The following ERBB4 variants were observed in gnomAD, a reference collection of about 807,000 sequenced individuals.
ERBB4 encodes receptor tyrosine-protein kinase erbB-4.
ERBB4 carries 42 observed loss-of-function variants against 158.0 expected under a neutral mutation model. That is an observed-to-expected ratio of 0.27 (90% CI 0.21 to 0.34). The LOEUF is 0.34. ERBB4 is among the 10% of genes least tolerant of loss of function. The pLI is 1.00. For missense variants in ERBB4, 1,333 were observed against 1,624.1 expected (o/e 0.82, Z 3.08); for synonymous variants, 583 against 558.7 (o/e 1.04, Z -0.61).
At chr2:211,777,897 G>A (rs538636713) in intron 4 of ERBB4, 4 of 152,250 alleles carry the variant, frequency 2.6e-5, no homozygotes, top group Non-Finnish European at 5.9e-5. Flanking sequence ...GGCCTTCAAA[G>A]CCCTTAGTAA....
At chr2:212,203,935 T>C (rs1253018451) in intron 1 of ERBB4, among the ~76,000 whole-genome samples, 1 of 152,256 alleles carries the variant, frequency 6.6e-6, no homozygotes, top group Non-Finnish European at 1.5e-5. Context: ...GTCACTTGAC[T>C]GAAAAGTTAT....
intron 3 of ERBB4, among the ~76,000 whole-genome samples, chr2:211,801,282 A>G (rs2076492788): frequency 6.6e-6 from 1 of 152,192 alleles, no homozygotes; most frequent in South Asian, 2.1e-4. Flanking sequence ...AGGTGGTTAA[A>G]TGTAGCCTTA....
intron 1 of ERBB4, among the ~76,000 whole-genome samples, chr2:212,182,877 A>AG (rs776979581): frequency 0.091 from 571 of 6,258 alleles, 5 homozygotes; most frequent in Non-Finnish European, 0.22. Context: ...AGTTGGGTTG[A>AG]GGTTTTTTTT....
At chr2:211,557,769 A>T (rs879094717) in intron 20 of ERBB4, among the ~76,000 whole-genome samples, 1 of 152,222 alleles carries the variant, frequency 6.6e-6, no homozygotes, top group Admixed American at 6.5e-5. Context: ...CTTCCTGGGT[A>T]TATACCCACA....
chr2:211,637,894 A>T (rs1233363002), intron 16 of ERBB4, among the ~76,000 whole-genome samples: 1 of 151,924 alleles, frequency 6.6e-6, no homozygotes, highest in Middle Eastern at 3.4e-3. Context: ...AAATATCATT[A>T]TTCAGGTTTT....
intron 15 of ERBB4, among the ~76,000 whole-genome samples, chr2:211,662,913 AAGAAAAGGT>A (rs2071485836): frequency 6.6e-6 from 1 of 152,226 alleles, no homozygotes; most frequent in African/African-American, 2.4e-5. Context: ...AGGCATATAA[AAGAAAAGGT>A]GTTTTCCAAA....
intron 2 of ERBB4, among the ~76,000 whole-genome samples, chr2:212,104,128 T>A (rs1239181708): frequency 6.6e-6 from 1 of 152,098 alleles, no homozygotes; most frequent in Non-Finnish European, 1.5e-5. Context: ...CCCAGTGTCA[T>A]GCTTCTCAGG....
intron 2 of ERBB4, among the ~76,000 whole-genome samples, chr2:212,063,956 G>A (rs1037366542): frequency 4.6e-5 from 7 of 152,002 alleles, no homozygotes; most frequent in African/African-American, 1.7e-4. Context: ...TCCCCTCTTT[G>A]CATTTTACAG....
intron 20 of ERBB4, among the ~76,000 whole-genome samples, chr2:211,527,857 A>T (rs947477400): frequency 6.6e-6 from 1 of 152,048 alleles, no homozygotes; most frequent in Admixed American, 6.6e-5. Context: ...AAAAAATGCA[A>T]TGGATACACA....
At chr2:212,081,976 T>C (rs2078458983) in intron 2 of ERBB4, among the ~76,000 whole-genome samples, 1 of 152,114 alleles carries the variant, frequency 6.6e-6, no homozygotes, top group Non-Finnish European at 1.5e-5. Flanking sequence ...AGCCAAGAAT[T>C]GGCTGTATTA....
intron 1 of ERBB4, among the ~76,000 whole-genome samples, chr2:212,371,648 A>T (rs570720551): frequency 2.0e-5 from 3 of 152,298 alleles, no homozygotes; most frequent in South Asian, 2.1e-4. Context: ...CCACTGCCAG[A>T]TGGTCAGTTA....
chr2:212,070,179 CTATA>C (rs1222320426), intron 2 of ERBB4, among the ~76,000 whole-genome samples: 1 of 151,772 alleles, frequency 6.6e-6, no homozygotes, highest in Admixed American at 6.6e-5. Flanking sequence ...TAAAAACTTA[CTATA>C]TATTATTGAA....
At chr2:212,291,417 AT>A (rs1311522299) in intron 1 of ERBB4, among the ~76,000 whole-genome samples, 1 of 152,078 alleles carries the variant, frequency 6.6e-6, no homozygotes, top group Non-Finnish European at 1.5e-5. Flanking sequence ...TTTACTAGAT[AT>A]TTTTAATGGA....
At chr2:211,484,441 T>C (rs2125555477) in intron 20 of ERBB4, among the ~76,000 whole-genome samples, 1 of 152,240 alleles carries the variant, frequency 6.6e-6, no homozygotes, top group South Asian at 2.1e-4. Context: ...TAGATAACAC[T>C]TCTATATCCT....
At chr2:212,301,063 C>A (rs1378864408) in intron 1 of ERBB4, among the ~76,000 whole-genome samples, 2 of 150,588 alleles carry the variant, frequency 1.3e-5, no homozygotes, top group Non-Finnish European at 3.0e-5. Flanking sequence ...AAGATTTGTA[C>A]AGTTAAGTAG....
Position 211,959,370 on chromosome 2 carries a change from C to G in ERBB4, c.235-11754G>C, listed in dbSNP as rs2081118842. On this transcript the variant is annotated intron_variant, in intron 2 of 27. Transcript: ENST00000342788. ...ATTTACAATAACTTGCAAGTGAATG[C>G]CTGTATCTTTGTTTCTTTAAGAGTA... Among the ~76,000 whole-genome samples, 3 of 152,180 alleles carry G rather than the reference C, an allele frequency of 2.0e-5. No individual in the cohort carries two copies. In the South Asian group the frequency reaches 6.2e-4, roughly 32 times the overall value.
At chr2:211,645,716 A>G (rs2105867092) in intron 16 of ERBB4, among the ~76,000 whole-genome samples, 1 of 151,834 alleles carries the variant, frequency 6.6e-6, no homozygotes. Flanking sequence ...TTAGAAAGGT[A>G]TGAAAGATAA....
intron 20 of ERBB4, among the ~76,000 whole-genome samples, chr2:211,552,331 A>G (rs1319339015): frequency 6.6e-6 from 1 of 151,678 alleles, no homozygotes; most frequent in Non-Finnish European, 1.5e-5. Context: ...TTGCAAAAAT[A>G]CACTGAAAAA....
intron 1 of ERBB4, among the ~76,000 whole-genome samples, chr2:212,229,635 A>C (rs1284780389): frequency 6.6e-6 from 1 of 152,206 alleles, no homozygotes; most frequent in Non-Finnish European, 1.5e-5. Context: ...GCAGAGGCTT[A>C]GAAAGAGGTA....
Sources: allele counts gnomAD v4.1 joint callset (sites outside exome capture counted in the v4.1 genomes callset), GRCh38; gene constraint gnomAD v4.1.1; transcripts MANE v1.5; gene names NCBI Gene and HGNC (gene_info 2026-07-23, HGNC 2026-07-21).